Variants in FAR2 observed in about 807,000 individuals in gnomAD.
The protein encoded by FAR2 is epididymis secretory protein Li 81.
FAR2 carries 19 observed loss-of-function variants against 56.0 expected under a neutral mutation model. The observed-to-expected ratio is 0.34, with a 90% confidence interval of 0.24 to 0.50. The LOEUF is 0.50. FAR2 is among the 20% of genes least tolerant of loss of function. The pLI, the probability that FAR2 is intolerant of heterozygous loss-of-function variation, is 0.98. For missense variants in FAR2, 508 were observed against 642.2 expected, an observed-to-expected ratio of 0.79 and a Z score of 2.26; for synonymous variants, 219 against 218.8, an observed-to-expected ratio of 1.00 and a Z score of -0.01.
intron 2 of FAR2, among the ~76,000 whole-genome samples, chr12:29,289,550 T>G (rs1000173172): frequency 1.3e-5 from 2 of 152,224 alleles, no homozygotes; most frequent in African/African-American, 4.8e-5. Flanking sequence ...CAAAATGGAT[T>G]AAAGACTTAG....
In FAR2 at chr12:29,333,893, A is replaced by G. The variant is rs1949765612; in HGVS notation, c.*99A>G. Reference sequence around the variant, plus strand: ...TAGAAAGTAACAAGGAATATGCCCAAACTGTCAAATGTCACCTGTTATGTA... The same window carrying G: ...TAGAAAGTAACAAGGAATATGCCCAGACTGTCAAATGTCACCTGTTATGTA... On this transcript the variant is annotated 3_prime_UTR_variant, in exon 12 of 12. Coordinates refer to ENST00000536681, the MANE Select transcript of FAR2 (RefSeq NM_001271783.2). The G allele has an allele frequency of 1.8e-6, 2 of 1,131,574 alleles. No individual in the cohort carries two copies. The highest frequency in any genetic ancestry group is 2.5e-6 in the Non-Finnish European group (2 of 785,946). The allele number at this position is 1,131,574 out of a possible 1,614,324, so 70.1% of individuals were successfully genotyped here. A position where few individuals can be genotyped will look rare whatever the true frequency, so the allele number is the denominator to read the frequency against.
intron 2 of FAR2, among the ~76,000 whole-genome samples, chr12:29,275,664 ACT>A (rs1478484184): frequency 6.6e-6 from 1 of 152,074 alleles, no homozygotes; most frequent in Non-Finnish European, 1.5e-5. Flanking sequence ...GCACCTCTGG[ACT>A]TTGTTTTCCT....
At chr12:29,299,296 C>T (rs1160780217) in intron 4 of FAR2, among the ~76,000 whole-genome samples, 7 of 150,978 alleles carry the variant, frequency 4.6e-5, no homozygotes, top group South Asian at 2.1e-4. Context: ...TCTCTAGGTA[C>T]TCCATACCAC....
intron 1 of FAR2, among the ~76,000 whole-genome samples, chr12:29,207,689 T>A (rs1488021666): frequency 2.6e-5 from 4 of 152,114 alleles, no homozygotes; most frequent in Non-Finnish European, 5.9e-5. Flanking sequence ...ACTGGATGGA[T>A]GGATGGATAG....
At chr12:29,239,381 G>GT (rs1026211388) in intron 1 of FAR2, among the ~76,000 whole-genome samples, 4 of 151,704 alleles carry the variant, frequency 2.6e-5, no homozygotes, top group South Asian at 2.1e-4. Context: ...TCAAAGTCCT[G>GT]TTTTTTTGTA....
chr12:29,237,105 A>G (rs545876552), intron 1 of FAR2, among the ~76,000 whole-genome samples: 2 of 152,230 alleles, frequency 1.3e-5, no homozygotes, highest in South Asian at 2.1e-4. Flanking sequence ...GAAAATATCT[A>G]ATGAGTTCTA....
chr12:29,192,132 T>A (rs899883906), intron 1 of FAR2, among the ~76,000 whole-genome samples: 2 of 152,198 alleles, frequency 1.3e-5, no homozygotes, highest in African/African-American at 4.8e-5. Flanking sequence ...GTGTGAGAAA[T>A]AACCATCATT....
At chr12:29,201,680 C>T (rs948938843) in intron 1 of FAR2, among the ~76,000 whole-genome samples, 1 of 152,146 alleles carries the variant, frequency 6.6e-6, no homozygotes, top group Admixed American at 6.5e-5. Context: ...CTTTGCTATA[C>T]CTGGGTCAAA....
At chr12:29,312,116 T>C (rs1234543598) in intron 8 of FAR2, among the ~76,000 whole-genome samples, 166 bp downstream of exon 8, 1 of 152,190 alleles carries the variant, frequency 6.6e-6, no homozygotes, top group African/African-American at 2.4e-5. Flanking sequence ...AACTAGAATG[T>C]ACTGTGGTTA....
chr12:29,335,301 T>C lies in FAR2; in HGVS notation c.*1507T>C, dbSNP rs1949780015. The C allele has an allele frequency of 6.6e-6, 1 of 152,196 alleles. No individual in the cohort carries two copies. Among genetic ancestry groups the C allele is most frequent in the African/African-American group, 2.4e-5 (1 of 41,458 alleles). The allele number at this position is 152,196 out of a possible 1,614,324, so 9.4% of individuals were successfully genotyped here. On this transcript the variant is annotated 3_prime_UTR_variant, in exon 12 of 12. Coordinates refer to ENST00000536681, the MANE Select transcript of FAR2 (RefSeq NM_001271783.2). ...AAAGGGCATTTTGGAGGAACTCTTC[T>C]GGGCAATATCTTTCCCAATCTCATC...
At chr12:29,210,369 C>A (rs556820504) in intron 1 of FAR2, among the ~76,000 whole-genome samples, 26 of 152,256 alleles carry the variant, frequency 1.7e-4, no homozygotes, top group Non-Finnish European at 3.7e-4. Context: ...CGGGACCTTG[C>A]AAGTGTCTAT....
chr12:29,263,746 A>G (rs1271913623), intron 1 of FAR2, among the ~76,000 whole-genome samples: 1 of 150,654 alleles, frequency 6.6e-6, no homozygotes, highest in Non-Finnish European at 1.5e-5. Flanking sequence ...TCAATCCAGT[A>G]GATTGAGCCA....
chr12:29,284,903 G>T (rs989868318), intron 2 of FAR2, among the ~76,000 whole-genome samples: 1 of 152,044 alleles, frequency 6.6e-6, no homozygotes, highest in Non-Finnish European at 1.5e-5. Context: ...GTGCAGTGGC[G>T]CGATCTCGGC....
chr12:29,215,109 A>G (rs1947607247), intron 1 of FAR2, among the ~76,000 whole-genome samples: 2 of 152,146 alleles, frequency 1.3e-5, no homozygotes, highest in South Asian at 4.1e-4. Flanking sequence ...TTATTAAAGG[A>G]CCTACAGTGT....
intron 1 of FAR2, among the ~76,000 whole-genome samples, chr12:29,253,808 A>G (rs1442177040): frequency 1.3e-5 from 2 of 152,238 alleles, no homozygotes; most frequent in Non-Finnish European, 2.9e-5. Flanking sequence ...ATAATGCTTT[A>G]CATTTAGCAA....
chr12:29,175,850 C>T (rs754149495), intron 1 of FAR2, among the ~76,000 whole-genome samples: 8 of 152,152 alleles, frequency 5.3e-5, no homozygotes, highest in Non-Finnish European at 8.8e-5. Context: ...CTGATTGGTG[C>T]GTTTACAATC....
At chr12:29,298,675 G>C (rs1357998346) in intron 4 of FAR2, among the ~76,000 whole-genome samples, 1 of 152,170 alleles carries the variant, frequency 6.6e-6, no homozygotes, top group Non-Finnish European at 1.5e-5. Flanking sequence ...CCAAAGTCTA[G>C]ACAATAAAGT....
intron 1 of FAR2, among the ~76,000 whole-genome samples, chr12:29,208,357 C>T (rs1947500746): frequency 6.6e-6 from 1 of 152,220 alleles, no homozygotes; most frequent in African/African-American, 2.4e-5. Context: ...GGGCAGTCTG[C>T]AGCCCAGACT....
At chr12:29,309,317 C>A in intron 6 of FAR2, 87 bp downstream of exon 6, 5 of 940,572 alleles carry the variant, frequency 5.3e-6, no homozygotes, top group South Asian at 2.8e-5. Context: ...CTTCATTGAT[C>A]CAAAAACATA....
Sources: allele counts gnomAD v4.1 joint callset (sites outside exome capture counted in the v4.1 genomes callset), GRCh38; gene constraint gnomAD v4.1.1; transcripts MANE v1.5; gene names NCBI Gene and HGNC (gene_info 2026-07-23, HGNC 2026-07-21).